Variants in PHF21B observed in about 807,000 individuals in gnomAD.
PHF21B encodes the protein PHD finger protein 21B.
Under a neutral mutation model 62.2 loss-of-function variants are expected in PHF21B, and 22 were observed. That is an observed-to-expected ratio of 0.35 (90% CI 0.25 to 0.51). The LOEUF (loss-of-function observed/expected upper bound fraction) is 0.51, where lower values mean the gene tolerates loss of function less well. Ranked by LOEUF, PHF21B falls within the 20% of genes least tolerant of loss-of-function variation. PHF21B has a pLI of 0.97. For synonymous variants in PHF21B, 341 were observed against 314.7 expected (o/e 1.08, Z -0.88); for missense variants, 701 against 707.9 (o/e 0.99, Z 0.11).
intron 2 of PHF21B, among the ~76,000 whole-genome samples, chr22:44,962,324 A>G (rs114620318): frequency 0.02 from 3,027 of 152,314 alleles, 91 homozygotes; most frequent in African/African-American, 0.068. Flanking sequence ...ACATCCCAAT[A>G]AAGTCACTGT....
At chr22:45,006,199 T>A (rs2073311091) in intron 2 of PHF21B, among the ~76,000 whole-genome samples, 1 of 152,148 alleles carries the variant, frequency 6.6e-6, no homozygotes, top group Non-Finnish European at 1.5e-5. Context: ...GCCCTTGTTA[T>A]ATAAAATGCC....
chr22:44,991,172 T>C (rs1233214972), intron 2 of PHF21B, among the ~76,000 whole-genome samples: 1 of 152,192 alleles, frequency 6.6e-6, no homozygotes, highest in African/African-American at 2.4e-5. Context: ...ATTTTAGCAT[T>C]TGTGCACCAA....
At chr22:44,933,511 C>T in intron 2 of PHF21B, 1 of 985,472 alleles carries the variant, frequency 1.0e-6, no homozygotes, top group Non-Finnish European at 1.2e-6. Context: ...AGAGGTTCTG[C>T]CCGCGATCTG....
chr22:44,928,974 A>G (rs892387804), intron 2 of PHF21B, among the ~76,000 whole-genome samples: 11 of 151,998 alleles, frequency 7.2e-5, no homozygotes, highest in African/African-American at 2.7e-4. Flanking sequence ...GCGAGAGGGG[A>G]GGCAGCCCCA....
At chr22:45,008,233 A>G in intron 2 of PHF21B, 1 of 240,240 alleles carries the variant, frequency 4.2e-6, no homozygotes, top group Non-Finnish European at 7.9e-6. Flanking sequence ...AAAGCGGGGG[A>G]CTCCGAGCCG....
At chr22:44,883,347 T>C in intron 12 of PHF21B, 43 bp from the exon 13 acceptor site, 1 of 1,578,218 alleles carries the variant, frequency 6.3e-7, no homozygotes, top group Non-Finnish European at 8.6e-7. Context: ...AGTATTCGGC[T>C]CTACAGCCAT....
intron 5 of PHF21B, among the ~76,000 whole-genome samples, chr22:44,911,806 T>G (rs1008674578): frequency 6.6e-6 from 1 of 152,206 alleles, no homozygotes; most frequent in African/African-American, 2.4e-5. Flanking sequence ...AGTGGAGCTA[T>G]GAGAAGAGGG....
chr22:45,006,160 C>A (rs2073310307), intron 2 of PHF21B, among the ~76,000 whole-genome samples: 1 of 152,128 alleles, frequency 6.6e-6, no homozygotes, highest in African/African-American at 2.4e-5. Flanking sequence ...GAACCACGGC[C>A]GCAGCCCCCT....
rs767845290 is a variant in PHF21B at position 44,916,393 on chromosome 22, C to T, written c.451G>A (p.Ala151Thr). The change falls in exon 4 of 13, where the codon GCC becomes ACC. Residue 151 changes from alanine to threonine, a missense_variant. Physicochemically the swap from Ala to Thr is moderately conservative, Grantham distance 58 (BLOSUM62 0). Transcript: ENST00000313237. ...SPLSSAGVAY[A>T]IISTSPSNAA... ...TTGCTGGGGGAGGTGGAGATGATGG[C>T]GTAGGCCACCCCCGCACTGCTCAGC... The T allele has an allele frequency of 2.4e-5, 38 of 1,590,406 alleles. No individual in the cohort carries two copies. The highest frequency in any genetic ancestry group is 3.0e-5 in the Non-Finnish European group (35 of 1,175,286).
At position 45,009,462 on chromosome 22, in the gene PHF21B, TCCCCGG is replaced by T. The variant is rs2073385458; in HGVS notation, c.54+28_54+33del. 4 of 1,516,614 alleles carry T rather than the reference TCCCCGG, an allele frequency of 2.6e-6. No homozygotes were observed. Among genetic ancestry groups the T allele is most frequent in the South Asian group, 2.4e-5 (2 of 82,412 alleles). 93.9% of individuals were successfully genotyped at this position (1,516,614 alleles called of 1,614,324 possible). ...CCGACCCCCTCACCCCGCAACACAC[TCCCCGG>T]CCCCGGGCCCGGCCCCCGGCCACCT... On this transcript the variant is annotated intron_variant, in intron 1 of 12. Coordinates refer to ENST00000313237, the MANE Select transcript of PHF21B (RefSeq NM_138415.5). The surrounding 1 kb of genome is among the most constrained non-coding windows in gnomAD (Gnocchi z 5.9).
intron 12 of PHF21B, among the ~76,000 whole-genome samples, chr22:44,885,128 G>T (rs145568456): frequency 6.6e-6 from 1 of 152,252 alleles, no homozygotes; most frequent in Non-Finnish European, 1.5e-5. Context: ...TGGTGAGTCT[G>T]TCTTCTTCCT....
At chr22:44,993,148 G>A (rs1349892103) in intron 2 of PHF21B, among the ~76,000 whole-genome samples, 1 of 152,214 alleles carries the variant, frequency 6.6e-6, no homozygotes, top group Non-Finnish European at 1.5e-5. Context: ...GGTGGGGCCA[G>A]CATCTCACTG....
intron 2 of PHF21B, among the ~76,000 whole-genome samples, chr22:44,940,220 TC>T (rs1418137528): frequency 2.0e-5 from 3 of 152,152 alleles, no homozygotes; most frequent in Non-Finnish European, 4.4e-5. Flanking sequence ...TGAACCTGCC[TC>T]CGGGCAAGCC....
chr22:44,979,962 G>A (rs961277950), intron 2 of PHF21B, among the ~76,000 whole-genome samples: 2 of 149,694 alleles, frequency 1.3e-5, no homozygotes, highest in South Asian at 2.1e-4. Context: ...CCAGCTACTC[G>A]GGAGGCTGAG....
chr22:44,948,241 ACATAG>A (rs776835896), intron 2 of PHF21B, among the ~76,000 whole-genome samples: 1 of 152,200 alleles, frequency 6.6e-6, no homozygotes, highest in Non-Finnish European at 1.5e-5. Flanking sequence ...ACTCACCATA[ACATAG>A]CATAAGTGGG....
intron 2 of PHF21B, among the ~76,000 whole-genome samples, chr22:44,948,682 C>T (rs1235297093): frequency 1.4e-5 from 2 of 145,328 alleles, no homozygotes; most frequent in Admixed American, 6.8e-5. Context: ...CAGAGTGAGA[C>T]TCTGTCTGGA....
At chr22:44,995,559 G>A (rs2073106093) in intron 2 of PHF21B, among the ~76,000 whole-genome samples, 1 of 152,154 alleles carries the variant, frequency 6.6e-6, no homozygotes, top group South Asian at 2.1e-4. Context: ...CTCACTCTGG[G>A]ACCACAGAAT....
chr22:44,964,505 CCT>C (rs1245196454), intron 2 of PHF21B, among the ~76,000 whole-genome samples: 1 of 152,232 alleles, frequency 6.6e-6, no homozygotes, highest in African/African-American at 2.4e-5. Flanking sequence ...AACAACAGCC[CCT>C]GACTCGGCAG....
At chr22:44,951,384 C>T (rs568376062) in intron 2 of PHF21B, among the ~76,000 whole-genome samples, 10 of 152,282 alleles carry the variant, frequency 6.6e-5, no homozygotes, top group East Asian at 1.9e-4. Flanking sequence ...CGGGGTAATG[C>T]GAGCAATGGG....
Sources: gnomAD v4.1 joint callset for allele counts (sites outside exome capture counted in the v4.1 genomes callset) on GRCh38, gnomAD v4.1.1 for gene constraint, Gnocchi (gnomAD v3.1) non-coding constraint, MANE v1.5 for transcripts, NCBI Gene and HGNC (gene_info 2026-07-23, HGNC 2026-07-21) for gene names.